Variants in DRC8 observed in about 807,000 individuals in gnomAD.
DRC8 encodes the protein dynein regulatory complex protein 8.
chr1:245,074,339 A>G, the DRC8 span, among the ~76,000 whole-genome samples: 1 of 152,204 alleles, frequency 6.6e-6, no homozygotes, highest in Non-Finnish European at 1.5e-5. Flanking sequence ...ACTTGCTGCA[A>G]TCACCATCTC....
the DRC8 span, chr1:245,087,875 GATA>G: frequency 1.6e-6 from 1 of 611,590 alleles, no homozygotes; most frequent in Non-Finnish European, 2.1e-6. Context: ...TATCATTTGG[GATA>G]ATAATAACTT....
At chr1:245,094,353 T>C in the DRC8 span, among the ~76,000 whole-genome samples, 1 of 152,194 alleles carries the variant, frequency 6.6e-6, no homozygotes, top group Non-Finnish European at 1.5e-5. Flanking sequence ...AAGCCTCTTA[T>C]CAGTTTTTGA....
chr1:245,085,670 G>A, the DRC8 span, among the ~76,000 whole-genome samples: 1 of 152,198 alleles, frequency 6.6e-6, no homozygotes, highest in African/African-American at 2.4e-5. Flanking sequence ...AGGCTTTTGA[G>A]CAGATGACTC....
the DRC8 span, chr1:244,970,041 G>C: frequency 3.2e-6 from 2 of 618,740 alleles, no homozygotes; most frequent in Non-Finnish European, 5.8e-6. Context: ...GAGGGGGCGA[G>C]GGGTGTGTGC....
chr1:244,987,239 C>T, the DRC8 span, among the ~76,000 whole-genome samples: 15 of 150,210 alleles, frequency 1.0e-4, no homozygotes, highest in Admixed American at 8.0e-4. Context: ...CTTGCTCTGT[C>T]GCTCTGGCTG....
At chr1:245,040,800 A>C in the DRC8 span, among the ~76,000 whole-genome samples, 2 of 152,154 alleles carry the variant, frequency 1.3e-5, no homozygotes, top group African/African-American at 4.8e-5. Context: ...ACAAACATGA[A>C]TTACTCAACA....
chr1:245,103,913 G>A, the DRC8 span, among the ~76,000 whole-genome samples: 6 of 152,332 alleles, frequency 3.9e-5, no homozygotes, highest in African/African-American at 1.4e-4. Context: ...CTGTAAACAA[G>A]ATCCTAAGAA....
the DRC8 span, among the ~76,000 whole-genome samples, chr1:245,117,407 T>C: frequency 6.6e-6 from 1 of 151,978 alleles, no homozygotes. Flanking sequence ...CATCCACTTA[T>C]TTTTATTTTA....
At chr1:245,008,430 C>T in the DRC8 span, among the ~76,000 whole-genome samples, 2 of 152,106 alleles carry the variant, frequency 1.3e-5, no homozygotes, top group Non-Finnish European at 1.5e-5. Flanking sequence ...AAAGGTGGAA[C>T]TTGAGCTTGC....
the DRC8 span, among the ~76,000 whole-genome samples, chr1:244,999,802 T>G: frequency 8.5e-5 from 13 of 152,238 alleles, no homozygotes; most frequent in African/African-American, 2.9e-4. Flanking sequence ...GATAAAGTTT[T>G]TTTGTTTTTT....
chr1:244,999,079 A>G, the DRC8 span, among the ~76,000 whole-genome samples: 42 of 136,852 alleles, frequency 3.1e-4, no homozygotes, highest in African/African-American at 4.3e-4. Flanking sequence ...AAAAAAAAAA[A>G]AAAGAAAGAA....
the DRC8 span, among the ~76,000 whole-genome samples, chr1:245,047,512 G>T: frequency 2.7e-4 from 41 of 151,898 alleles, 1 homozygote; most frequent in East Asian, 8.0e-3. Context: ...GCGGGCGCCT[G>T]TAATTCCAGC....
the DRC8 span, among the ~76,000 whole-genome samples, chr1:245,013,241 T>G: frequency 1.3e-5 from 2 of 152,230 alleles, no homozygotes; most frequent in Non-Finnish European, 2.9e-5. Flanking sequence ...AGGGTGATTT[T>G]TCTTTGTCTC....
the DRC8 span, among the ~76,000 whole-genome samples, chr1:244,991,422 C>T: frequency 1.1e-3 from 172 of 152,232 alleles, 1 homozygote; most frequent in African/African-American, 4.0e-3. Flanking sequence ...GATCACTGGC[C>T]ATTCGAGATT....
chr1:245,113,743 C>T, the DRC8 span, among the ~76,000 whole-genome samples: 1 of 152,010 alleles, frequency 6.6e-6, no homozygotes, highest in African/African-American at 2.4e-5. Flanking sequence ...ATGTGCCAAA[C>T]GCCACACTCG....
chr1:245,121,488 C>T, the DRC8 span, among the ~76,000 whole-genome samples: 2 of 152,200 alleles, frequency 1.3e-5, no homozygotes, highest in Non-Finnish European at 2.9e-5. Flanking sequence ...AGCCCATGGT[C>T]TTTCCCTTGC....
chr1:245,009,275 C>T, the DRC8 span, among the ~76,000 whole-genome samples: 2 of 151,736 alleles, frequency 1.3e-5, no homozygotes. Flanking sequence ...CCTTGTGATC[C>T]GCCTGCCTCG....
chr1:244,970,440 G>A, the DRC8 span: 3 of 1,533,472 alleles, frequency 2.0e-6, no homozygotes, highest in Non-Finnish European at 2.6e-6. Flanking sequence ...GAAGGACAGG[G>A]AAGGTAAGGT....
the DRC8 span, among the ~76,000 whole-genome samples, chr1:245,081,618 G>A: frequency 8.6e-5 from 13 of 151,924 alleles, no homozygotes; most frequent in Admixed American, 5.2e-4. Flanking sequence ...ACAGGTGTGC[G>A]CCACTACGCC....
Sources: gnomAD v4.1 joint callset for allele counts (sites outside exome capture counted in the v4.1 genomes callset) on GRCh38, gnomAD v4.1.1 for gene constraint, MANE v1.5 for transcripts, NCBI Gene and HGNC (gene_info 2026-07-23, HGNC 2026-07-21) for gene names.